Variants in CLHC1 observed in about 807,000 individuals in gnomAD.
CLHC1 encodes the protein clathrin heavy chain linker domain-containing protein 1.
CLHC1 carries 72 observed loss-of-function variants against 69.5 expected under a neutral mutation model. The ratio of observed to expected loss-of-function variants is 1.04; its 90% CI spans 0.86 to 1.26. The LOEUF (loss-of-function observed/expected upper bound fraction) is 1.26, where lower values mean the gene tolerates loss of function less well. Ranked by LOEUF, CLHC1 falls within the 50% of genes most tolerant of loss-of-function variation. The pLI, the probability that CLHC1 is intolerant of heterozygous loss-of-function variation, is 0.00. For synonymous variants in CLHC1, 223 were observed against 224.3 expected, an observed-to-expected ratio of 0.99 and a Z score of 0.05; for missense variants, 790 against 679.3, an observed-to-expected ratio of 1.16 and a Z score of -1.81.
At chr2:55,205,373 C>T (rs1672335938) in intron 9 of CLHC1, among the ~76,000 whole-genome samples, 2 of 151,434 alleles carry the variant, frequency 1.3e-5, no homozygotes, top group South Asian at 4.2e-4. Flanking sequence ...CCTAAGTGTC[C>T]ATCAAGGGAT....
At position 55,208,686 on chromosome 2, in the gene CLHC1, A is replaced by G; in HGVS notation, c.839T>C (p.Leu280Pro). 1.9e-6 allele frequency: 3 copies of G among 1,611,370 alleles called. No homozygotes were observed. The highest frequency in any genetic ancestry group is 1.1e-5 in the South Asian group (1 of 90,980). ...TGCCCTGCGTGGATCATCTTCCATT[A>G]GTTCTTCAACAATGCCTTGGTCACC... ...LQGDQGIVEE[L>P]MEDDPRRAKE... The change falls in exon 8 of 13, where the codon CTA (leucine) becomes CCA (proline). Residue 280 changes from leucine to proline, a missense_variant. Coordinates refer to ENST00000401408, the MANE Select transcript of CLHC1 (RefSeq NM_152385.4).
chr2:55,204,446 A>C (rs558395069), intron 9 of CLHC1, among the ~76,000 whole-genome samples: 1 of 152,356 alleles, frequency 6.6e-6, no homozygotes, highest in South Asian at 2.1e-4. Context: ...AGTAGCTTTT[A>C]TCCAAGAGTC....
At chr2:55,186,645 C>T (rs1277909320) in intron 9 of CLHC1, among the ~76,000 whole-genome samples, 1 of 151,742 alleles carries the variant, frequency 6.6e-6, no homozygotes, top group Non-Finnish European at 1.5e-5. Flanking sequence ...TGCCTATACT[C>T]CCACCAGTAT....
At chr2:55,216,542 T>C (rs934677725) in intron 4 of CLHC1, among the ~76,000 whole-genome samples, 1 of 150,714 alleles carries the variant, frequency 6.6e-6, no homozygotes, top group Non-Finnish European at 1.5e-5. Flanking sequence ...TTTTATTCCT[T>C]TTTTTTTTCT....
intron 9 of CLHC1, among the ~76,000 whole-genome samples, chr2:55,204,071 G>A (rs1672211426): frequency 6.6e-6 from 1 of 152,164 alleles, no homozygotes; most frequent in East Asian, 1.9e-4. Context: ...GATCACCTAA[G>A]GTCAGGAGTT....
chr2:55,228,830 A>G (rs1452557078), intron 1 of CLHC1, among the ~76,000 whole-genome samples: 1 of 152,210 alleles, frequency 6.6e-6, no homozygotes, highest in African/African-American at 2.4e-5. Flanking sequence ...CAAAGGTTAC[A>G]TTCATGTAGA....
chr2:55,214,231 T>C (rs911336600), intron 4 of CLHC1, among the ~76,000 whole-genome samples: 2 of 152,304 alleles, frequency 1.3e-5, no homozygotes, highest in Middle Eastern at 3.4e-3. Flanking sequence ...AAGTTTGGGC[T>C]GGGCGCGGTG....
chr2:55,199,635 T>C (rs757619502), intron 9 of CLHC1, among the ~76,000 whole-genome samples: 36 of 152,314 alleles, frequency 2.4e-4, no homozygotes, highest in Non-Finnish European at 3.4e-4. Context: ...GCTTGTTAGT[T>C]TTTTATTTGT....
intron 9 of CLHC1, among the ~76,000 whole-genome samples, chr2:55,198,351 T>G (rs184025514): frequency 1.3e-5 from 2 of 152,136 alleles, no homozygotes; most frequent in Admixed American, 1.3e-4. Flanking sequence ...TTTGGGAGGC[T>G]GAGGAGGGTG....
At chr2:55,212,452 T>A (rs530468040) in intron 5 of CLHC1, among the ~76,000 whole-genome samples, 1 of 152,314 alleles carries the variant, frequency 6.6e-6, no homozygotes, top group East Asian at 1.9e-4. Flanking sequence ...CAGGAGCCAC[T>A]GCATTACACT....
In CLHC1 at chr2:55,174,074, C is replaced by A. The variant is rs1203423697; in HGVS notation, c.*1716G>T. ...ACAAAGAACCAGTGCTGCCGAAATA[C>A]CTCTCCCTTTCCATTCCTTTTTTCC... On this transcript the variant is annotated 3_prime_UTR_variant, in exon 13 of 13. Transcript: ENST00000401408. 2.0e-5 allele frequency among the ~76,000 whole-genome samples: 3 copies of A among 151,236 alleles called. No individual in the cohort carries two copies. Among genetic ancestry groups the A allele is most frequent in the African/African-American group, 7.3e-5 (3 of 41,114 alleles).
chr2:55,202,942 G>T (rs909948571), intron 9 of CLHC1, among the ~76,000 whole-genome samples: 7 of 149,278 alleles, frequency 4.7e-5, no homozygotes, highest in African/African-American at 7.4e-5. Flanking sequence ...ACTCAGTGAA[G>T]TTGAAAGATA....
intron 2 of CLHC1, among the ~76,000 whole-genome samples, chr2:55,227,622 G>A (rs1178615463): frequency 6.7e-6 from 1 of 149,248 alleles, no homozygotes; most frequent in Non-Finnish European, 1.5e-5. Flanking sequence ...AGGTTGCAGT[G>A]AGCCGAGATT....
chr2:55,188,147 G>A (rs1356118499), intron 9 of CLHC1, among the ~76,000 whole-genome samples: 2 of 151,882 alleles, frequency 1.3e-5, no homozygotes, highest in East Asian at 1.9e-4. Flanking sequence ...GTCTCCATCT[G>A]TACAAAAAAT....
chr2:55,231,873 T>G (rs190702519), intron 1 of CLHC1: 1 of 152,240 alleles, frequency 6.6e-6, no homozygotes, highest in East Asian at 1.9e-4. Flanking sequence ...TTCAACATAT[T>G]AAAGCGTGTC....
At chr2:55,178,825 G>C (rs1669648452) in intron 11 of CLHC1, among the ~76,000 whole-genome samples, 1 of 151,936 alleles carries the variant, frequency 6.6e-6, no homozygotes, top group Admixed American at 6.6e-5. Context: ...AATATATAGA[G>C]ATGGGGTCCC....
intron 9 of CLHC1, among the ~76,000 whole-genome samples, chr2:55,195,830 A>G (rs1671359538): frequency 1.3e-5 from 2 of 152,246 alleles, no homozygotes; most frequent in Admixed American, 6.5e-5. Context: ...ACAAAGAACA[A>G]AAACAAAAAA....
At chr2:55,197,764 A>T (rs1671559382) in intron 9 of CLHC1, among the ~76,000 whole-genome samples, 1 of 152,174 alleles carries the variant, frequency 6.6e-6, no homozygotes, top group Admixed American at 6.5e-5. Flanking sequence ...AGACTACAAT[A>T]AATACCCAGT....
intron 4 of CLHC1, among the ~76,000 whole-genome samples, chr2:55,213,091 TA>T (rs1278624902): frequency 6.6e-6 from 1 of 152,194 alleles, no homozygotes; most frequent in Non-Finnish European, 1.5e-5. Context: ...TTTTGTAATT[TA>T]AAAAATATTT....
Sources: gnomAD v4.1 joint callset for allele counts (sites outside exome capture counted in the v4.1 genomes callset) on GRCh38, gnomAD v4.1.1 for gene constraint, MANE v1.5 for transcripts, NCBI Gene and HGNC (gene_info 2026-07-23, HGNC 2026-07-21) for gene names.